The following RUNX2 variants were observed in gnomAD, a reference collection of about 807,000 sequenced individuals.
RUNX2 encodes the protein RUNX family transcription factor 2.
In RUNX2, 10 loss-of-function variants were observed where a neutral mutation model predicts 51.7. The observed-to-expected ratio is 0.19, with a 90% CI of 0.12 to 0.33. The LOEUF is 0.33. Ranked by LOEUF, RUNX2 falls within the 10% of genes least tolerant of loss-of-function variation. RUNX2 has a pLI of 1.00. For missense variants in RUNX2, 562 were observed against 691.3 expected, an observed-to-expected ratio of 0.81 and a Z score of 2.10; for synonymous variants, 276 against 273.6, an observed-to-expected ratio of 1.01 and a Z score of -0.09.
At chr6:45,510,554 G>A (rs942210448) in intron 6 of RUNX2, among the ~76,000 whole-genome samples, 7 of 152,040 alleles carry the variant, frequency 4.6e-5, no homozygotes, top group African/African-American at 1.2e-4. Flanking sequence ...CTAAAAATCC[G>A]CATCTTATTA....
intron 4 of RUNX2, among the ~76,000 whole-genome samples, chr6:45,434,166 A>G (rs1194678585): frequency 2.6e-5 from 4 of 152,178 alleles, no homozygotes; most frequent in African/African-American, 9.7e-5. Context: ...AAGAGGAAAA[A>G]AGGACAGAGA....
At chr6:45,530,349 C>T (rs1358158863) in intron 7 of RUNX2, among the ~76,000 whole-genome samples, 2 of 152,276 alleles carry the variant, frequency 1.3e-5, no homozygotes, top group African/African-American at 2.4e-5. Context: ...ATATAGAAGG[C>T]GATTTGGAGG....
At chr6:45,536,636 C>T (rs575212874) in intron 7 of RUNX2, among the ~76,000 whole-genome samples, 1 of 152,336 alleles carries the variant, frequency 6.6e-6, no homozygotes, top group East Asian at 1.9e-4. Flanking sequence ...CAGCCGCTGC[C>T]TGCAGCGGAC....
At chr6:45,423,698 A>G (rs575522483) in intron 3 of RUNX2, among the ~76,000 whole-genome samples, 3,013 of 152,244 alleles carry the variant, frequency 0.02, 94 homozygotes, top group African/African-American at 0.066. Flanking sequence ...AGGGGGTGTC[A>G]GGGCGGGGGC....
At chr6:45,378,231 G>T (rs574826008) in intron 2 of RUNX2, among the ~76,000 whole-genome samples, 1 of 152,366 alleles carries the variant, frequency 6.6e-6, no homozygotes, top group South Asian at 2.1e-4. Context: ...AGATCGGTCA[G>T]GGTGTACAGG....
rs563247552 is a variant in RUNX2 at position 45,486,205 on chromosome 6, G to A, written c.686-5736G>A. Among the ~76,000 whole-genome samples the A allele has an allele frequency of 7.2e-5, 11 of 151,984 alleles. No individual in the cohort carries two copies. In the South Asian group the frequency reaches 1.0e-3, roughly 14 times the overall value. On this transcript the variant is annotated intron_variant, in intron 5 of 8. Coordinates refer to ENST00000647337, the MANE Select transcript of RUNX2 (RefSeq NM_001024630.4). ...ATATTCAGATTTTCTCAATTGATCC[G>A]CAATCATGGCATTTTAGTGATTGCC...
intron 2 of RUNX2, among the ~76,000 whole-genome samples, chr6:45,407,697 G>T (rs976267451): frequency 1.3e-5 from 2 of 151,780 alleles, no homozygotes; most frequent in Non-Finnish European, 2.9e-5. Context: ...CAGAGGTCTC[G>T]CTATGTTGCC....
chr6:45,547,562 A>G lies in RUNX2; in HGVS notation c.*257A>G. 1 of 529,834 alleles carries G rather than the reference A, an allele frequency of 1.9e-6. No individual in the cohort carries two copies. The highest frequency in any genetic ancestry group is 3.4e-6 in the Non-Finnish European group (1 of 294,620). 32.8% of individuals were successfully genotyped at this position (529,834 alleles called of 1,614,324 possible). ...TTACTATTTAAGATGTACTTTTACA[A>G]AGGAACAAAGAAGGGAAAAGGTATT... On this transcript the variant is annotated 3_prime_UTR_variant, in exon 9 of 9. Transcript: ENST00000647337.
At chr6:45,336,938 A>C (rs1428920408) in intron 2 of RUNX2, among the ~76,000 whole-genome samples, 1 of 151,698 alleles carries the variant, frequency 6.6e-6, no homozygotes, top group African/African-American at 2.4e-5. Flanking sequence ...TCATTATTAT[A>C]AACTGGCATA....
chr6:45,522,800 T>C (rs185834504), intron 7 of RUNX2, among the ~76,000 whole-genome samples: 108 of 152,360 alleles, frequency 7.1e-4, no homozygotes, highest in Non-Finnish European at 1.3e-3. Flanking sequence ...CAGGAATCAG[T>C]GCTGCATGCT....
At chr6:45,330,501 C>A (rs1436538119) in intron 2 of RUNX2, among the ~76,000 whole-genome samples, 2 of 151,876 alleles carry the variant, frequency 1.3e-5, no homozygotes, top group Non-Finnish European at 2.9e-5. Flanking sequence ...ATTTTAAACA[C>A]ATTTTAAAAA....
intron 6 of RUNX2, among the ~76,000 whole-genome samples, chr6:45,498,571 G>T (rs1396489340): frequency 1.3e-5 from 2 of 152,154 alleles, no homozygotes; most frequent in Non-Finnish European, 2.9e-5. Context: ...TCATTTAAAT[G>T]ATTAAATTCC....
intron 2 of RUNX2, among the ~76,000 whole-genome samples, chr6:45,342,563 A>C (rs1790020320): frequency 6.6e-6 from 1 of 152,266 alleles, no homozygotes; most frequent in Admixed American, 6.5e-5. Context: ...CCAGCCCTAC[A>C]ATCTCCATTT....
chr6:45,485,012 A>G (rs866375728), intron 5 of RUNX2, among the ~76,000 whole-genome samples: 2 of 152,096 alleles, frequency 1.3e-5, no homozygotes, highest in Admixed American at 1.3e-4. Context: ...CTTGAGCCCT[A>G]GAGTATTGGA....
intron 3 of RUNX2, among the ~76,000 whole-genome samples, chr6:45,427,658 A>T (rs1360510515): frequency 6.6e-6 from 1 of 152,164 alleles, no homozygotes; most frequent in Non-Finnish European, 1.5e-5. Context: ...ATTATACCGC[A>T]AGTACAATAT....
chr6:45,361,105 A>G (rs149248931), intron 2 of RUNX2, among the ~76,000 whole-genome samples: 176 of 152,302 alleles, frequency 1.2e-3, no homozygotes, highest in African/African-American at 4.0e-3. Flanking sequence ...CCCCATCTCA[A>G]AAATACAAAG....
intron 2 of RUNX2, among the ~76,000 whole-genome samples, chr6:45,381,545 A>G (rs1365535572): frequency 6.6e-6 from 1 of 151,980 alleles, no homozygotes; most frequent in Admixed American, 6.6e-5. Flanking sequence ...CTTCCACCTC[A>G]GCCTCCTCAG....
chr6:45,473,659 G>A (rs948126625), intron 5 of RUNX2, among the ~76,000 whole-genome samples: 3 of 152,244 alleles, frequency 2.0e-5, no homozygotes, highest in Admixed American at 2.0e-4. Flanking sequence ...GGGTTTCACT[G>A]AAAGTAATAG....
intron 8 of RUNX2, among the ~76,000 whole-genome samples, chr6:45,546,471 G>C (rs1465953870): frequency 1.3e-5 from 2 of 152,142 alleles, no homozygotes; most frequent in Non-Finnish European, 2.9e-5. Flanking sequence ...TATCTAAAGT[G>C]CAACGAGAAG....
Sources: gnomAD v4.1 joint callset for allele counts (sites outside exome capture counted in the v4.1 genomes callset) on GRCh38, gnomAD v4.1.1 for gene constraint, MANE v1.5 for transcripts, NCBI Gene and HGNC (gene_info 2026-07-23, HGNC 2026-07-21) for gene names.